MMRN2: variants seen among roughly 807,000 people sequenced by gnomAD.
The protein encoded by MMRN2 is multimerin-2.
MMRN2 carries 53 observed loss-of-function variants against 68.8 expected under a neutral mutation model. The observed-to-expected ratio is 0.77, with a 90% confidence interval of 0.62 to 0.97. The LOEUF (loss-of-function observed/expected upper bound fraction) is 0.97, where lower values mean the gene tolerates loss of function less well. MMRN2 is among the 50% of genes least tolerant of loss of function. MMRN2 has a pLI of 0.00. For missense variants in MMRN2, 1,266 were observed against 1,259.5 expected, an observed-to-expected ratio of 1.01 and a Z score of -0.08; for synonymous variants, 564 against 551.6, an observed-to-expected ratio of 1.02 and a Z score of -0.32.
chr10:86,957,142 G>T lies in MMRN2; in HGVS notation c.164+236C>A, dbSNP rs147192487. Among the ~76,000 whole-genome samples, 718 of 152,334 alleles carry T rather than the reference G, an allele frequency of 4.7e-3. 18 individuals carry two copies. Among genetic ancestry groups the T allele is most frequent in the Admixed American group, 0.039 (592 of 15,302 alleles). ...TGGTAGGAGCTGTGCCTCCCTGCCA[G>T]CCCCCCAAGCCCCATTCCCTGCCAT... On this transcript the variant is annotated intron_variant, in intron 1 of 6. Transcript: ENST00000372027.
rs1435868465 is a variant in MMRN2, at chr10:86,936,311, A to AT, written c.*431dup. ...CCAAAATGTTGCCTCCATTTTAAAC[A>AT]TTCCTCCTGGGGAAGAATGTCTTTC... On this transcript the variant is annotated 3_prime_UTR_variant, in exon 7 of 7. Transcript: ENST00000372027. The AT allele has an allele frequency of 1.2e-5, 5 of 422,216 alleles. No individual in the cohort carries two copies. Among genetic ancestry groups the AT allele is most frequent in the Non-Finnish European group, 2.1e-5 (5 of 239,914 alleles). The allele number at this position is 422,216 out of a possible 1,614,324, so 26.2% of individuals were successfully genotyped here.
At position 86,936,882 on chromosome 10, in the gene MMRN2, C is replaced by T. The variant is rs756729371; in HGVS notation, c.2711G>A (p.Ser904Asn). ...GGCAAAGACCGTTGCTGTGCTTCCA[C>T]TCCCCTGCCCAGTGGTACAGACTGG... ...RTPVCTTGQG[S>N]GSTATVFAMA... is the part of the protein sequence containing the mutation. Residue 904 changes from serine to asparagine, a missense_variant, in exon 7 of 7, where the codon AGT becomes AAT. By Grantham distance (46) the Ser-to-Asn change is conservative. Coordinates refer to ENST00000372027, the MANE Select transcript of MMRN2 (RefSeq NM_024756.3). The T allele has an allele frequency of 1.2e-6, 2 of 1,614,244 alleles. No individual in the cohort carries two copies. The highest frequency in any genetic ancestry group is 2.2e-5 in the South Asian group (2 of 91,088).
rs1843883526 is a variant in MMRN2, at chr10:86,936,650, C to G, written c.*93G>C. The stretch of plus-strand genomic sequence containing the variant: ...GAAGGTTTCCAGGGAAGAGACAGAC[C>G]AACTGAATGACCTCCAGCCCATCCT... On this transcript the variant is annotated 3_prime_UTR_variant, in exon 7 of 7. Coordinates refer to ENST00000372027, the MANE Select transcript of MMRN2 (RefSeq NM_024756.3). The G allele has an allele frequency of 6.8e-7, 1 of 1,481,354 alleles. No homozygotes were observed. The highest frequency in any genetic ancestry group is 2.3e-5 in the East Asian group (1 of 43,976). 91.8% of individuals were successfully genotyped at this position (1,481,354 alleles called of 1,614,324 possible). A position where few individuals can be genotyped will look rare whatever the true frequency, so the allele number is the denominator to read the frequency against.
chr10:86,952,158 G>A (rs534394271), intron 1 of MMRN2, among the ~76,000 whole-genome samples: 19 of 152,318 alleles, frequency 1.2e-4, no homozygotes, highest in South Asian at 1.0e-3. Context: ...CTCAGGATTC[G>A]ATATGCCAGC....
At position 86,944,528 on chromosome 10, in the gene MMRN2, A is replaced by C. The variant is rs923302717; in HGVS notation, c.482-93T>G. Reference sequence around the variant, plus strand: ...AGAAGGAGAGTTGAAGGCTGAGAGCAGGGAAGTTAGCTGCTGATGTCCTCT... The same window carrying C: ...AGAAGGAGAGTTGAAGGCTGAGAGCCGGGAAGTTAGCTGCTGATGTCCTCT... On this transcript the variant is annotated intron_variant, in intron 4 of 6. Transcript: ENST00000372027. 1.7e-5 allele frequency: 24 copies of C among 1,415,360 alleles called. No individual in the cohort carries two copies. The Admixed American group carries it at 3.1e-4, about 18-fold the overall frequency. The allele number at this position is 1,415,360 out of a possible 1,614,324, so 87.7% of individuals were successfully genotyped here.
intron 6 of MMRN2, among the ~76,000 whole-genome samples, chr10:86,939,638 G>A (rs1189010234): frequency 6.6e-6 from 1 of 151,994 alleles, no homozygotes; most frequent in African/African-American, 2.4e-5. Context: ...CCGTCCGGGC[G>A]CCTGCGCAGG....
At chr10:86,944,762 T>C (rs1430382738) in intron 4 of MMRN2, among the ~76,000 whole-genome samples, 1 of 152,154 alleles carries the variant, frequency 6.6e-6, no homozygotes, top group Non-Finnish European at 1.5e-5. Context: ...ACTTTCTCAA[T>C]CTTGGGCCCA....
At chr10:86,941,827 G>GAA (rs1386112769) in intron 6 of MMRN2, among the ~76,000 whole-genome samples, 1 of 135,250 alleles carries the variant, frequency 7.4e-6, no homozygotes, top group Admixed American at 7.4e-5. Flanking sequence ...AAAAGAAAAA[G>GAA]AAAAAAAAAA....
In MMRN2 at chr10:86,942,336, G is replaced by A. The variant is rs750673694; in HGVS notation, c.2448C>T (p.Gly816=). 7 of 1,612,024 alleles carry A rather than the reference G, an allele frequency of 4.3e-6. No homozygotes were observed. The highest frequency in any genetic ancestry group is 2.7e-5 in the African/African-American group (2 of 74,892). Reference sequence around the variant, plus strand: ...ACTCACCTGCCTCCCAGAGCGCCGCGCCCAAGGCACCTGGCACAGGCCCTG... The same window carrying A: ...ACTCACCTGCCTCCCAGAGCGCCGCACCCAAGGCACCTGGCACAGGCCCTG... ...RVTGPVPGAL[G]AALWEAGSPV... The change falls in exon 6 of 7, where the codon GGC becomes GGT. Residue 816 remains glycine, a synonymous_variant. Transcript: ENST00000372027.
intron 1 of MMRN2, among the ~76,000 whole-genome samples, chr10:86,946,250 G>C (rs1451660416): frequency 6.6e-6 from 1 of 152,236 alleles, no homozygotes; most frequent in East Asian, 1.9e-4. Context: ...CCTCCTTTAA[G>C]TGGGCAGAGA....
In MMRN2 at chr10:86,942,968, G is replaced by T; in HGVS notation, c.1816C>A (p.His606Asn). The T allele has an allele frequency of 6.7e-7, 1 of 1,492,164 alleles. No individual in the cohort carries two copies. Among genetic ancestry groups the T allele is most frequent in the Non-Finnish European group, 8.9e-7 (1 of 1,122,286 alleles). The allele number at this position is 1,492,164 out of a possible 1,614,324, so 92.4% of individuals were successfully genotyped here. Residue 606 changes from histidine (H) to asparagine (N), a missense_variant, in exon 6 of 7, where the codon CAC (histidine) becomes AAC (asparagine). Physicochemically the swap from His to Asn is moderately conservative, Grantham distance 68. Transcript: ENST00000372027. ...FAALLEDALR[H>N]EAVLAALFGE... Reference sequence around the variant, plus strand: ...AAGAGCGCGGCCAGCACCGCCTCGTGCCGCAGCGCGTCCTCCAGCAGGGCG... The same window carrying T: ...AAGAGCGCGGCCAGCACCGCCTCGTTCCGCAGCGCGTCCTCCAGCAGGGCG...
rs1383924199 is a variant in MMRN2, at chr10:86,943,118, G to A, written c.1666C>T (p.Arg556Trp). The change falls in exon 6 of 7, where the codon CGG becomes TGG. Residue 556 changes from arginine to tryptophan, a missense_variant. Coordinates refer to ENST00000372027, the MANE Select transcript of MMRN2 (RefSeq NM_024756.3). This position sits in a 1 kb window ranked among gnomAD's most constrained non-coding sequence, Gnocchi z 4.2. The stretch of plus-strand genomic sequence containing the variant: ...AGCCGCGACGTGGCCGCCCGCGCCC[G>A]CTCGCCCTCCGCTTTGTGCGCGTCC... ...AVDAHKAEGE[R>W]ARAATSRLRS... 3 of 1,527,114 alleles carry A rather than the reference G, an allele frequency of 2.0e-6. No individual in the cohort carries two copies. The highest frequency in any genetic ancestry group is 1.4e-5 in the African/African-American group (1 of 72,266). The allele number at this position is 1,527,114 out of a possible 1,614,324, so 94.6% of individuals were successfully genotyped here. A position where few individuals can be genotyped will look rare whatever the true frequency, so the allele number is the denominator to read the frequency against.
chr10:86,941,166 G>T (rs1029325161), intron 6 of MMRN2, among the ~76,000 whole-genome samples: 1 of 152,224 alleles, frequency 6.6e-6, no homozygotes, highest in African/African-American at 2.4e-5. Context: ...AGCACAGAGC[G>T]ATGAGACAGG....
chr10:86,938,955 G>C (rs11202269), intron 6 of MMRN2, among the ~76,000 whole-genome samples: 64,368 of 151,396 alleles, frequency 0.43, 14,649 homozygotes, highest in East Asian at 0.71. Flanking sequence ...CTGAAGTCGG[G>C]AATTCGAGAC....
At chr10:86,937,452 CT>C (rs34239768) in intron 6 of MMRN2, among the ~76,000 whole-genome samples, 327 of 146,128 alleles carry the variant, frequency 2.2e-3, no homozygotes, top group Middle Eastern at 7.1e-3. Context: ...CACTGCAGCC[CT>C]TTTTTTTTTT....
chr10:86,955,112 AC>A (rs1319129216), intron 1 of MMRN2, among the ~76,000 whole-genome samples: 1 of 152,104 alleles, frequency 6.6e-6, no homozygotes, highest in East Asian at 1.9e-4. Flanking sequence ...CTGGGCTCTC[AC>A]TGTCACTTAG....
At chr10:86,939,635 GGCGCCT>G (rs1477277312) in intron 6 of MMRN2, among the ~76,000 whole-genome samples, 1 of 152,100 alleles carries the variant, frequency 6.6e-6, no homozygotes, top group African/African-American at 2.4e-5. Flanking sequence ...GTTCCGTCCG[GGCGCCT>G]GCGCAGGGAG....
intron 1 of MMRN2, 117 bp from the exon 2 acceptor site, chr10:86,945,806 A>T: frequency 6.4e-7 from 1 of 1,550,446 alleles, no homozygotes; most frequent in South Asian, 1.2e-5. Flanking sequence ...TCTGGAATCC[A>T]TTATCCTGAG....
intron 1 of MMRN2, among the ~76,000 whole-genome samples, chr10:86,951,351 G>A (rs1037646348): frequency 6.6e-6 from 1 of 152,210 alleles, no homozygotes; most frequent in East Asian, 1.9e-4. Context: ...TCAGGGCCCA[G>A]TGCAAAATGA....
Sources: gnomAD v4.1 joint callset for allele counts (sites outside exome capture counted in the v4.1 genomes callset) on GRCh38, gnomAD v4.1.1 for gene constraint, Gnocchi (gnomAD v3.1) non-coding constraint, MANE v1.5 for transcripts, NCBI Gene and HGNC (gene_info 2026-07-23, HGNC 2026-07-21) for gene names.